WNT3: variants seen among roughly 807,000 people sequenced by gnomAD.
The protein encoded by WNT3 is proto-oncogene Wnt-3.
WNT3 carries 7 observed loss-of-function variants against 34.2 expected under a neutral mutation model. The observed-to-expected ratio is 0.20, with a 90% CI of 0.12 to 0.38. WNT3 has a LOEUF of 0.38. WNT3 is among the 10% of genes least tolerant of loss of function. The pLI is 1.00. For missense variants in WNT3, 267 were observed against 499.8 expected, an observed-to-expected ratio of 0.53 and a Z score of 4.44; for synonymous variants, 212 against 211.5, an observed-to-expected ratio of 1.00 and a Z score of -0.02.
chr17:46,804,921 C>T (rs1452673879), intron 1 of WNT3, among the ~76,000 whole-genome samples: 1 of 133,456 alleles, frequency 7.5e-6, no homozygotes, highest in Non-Finnish European at 1.6e-5. Flanking sequence ...CCCCGCCCAC[C>T]CCCCCCACCC....
chr17:46,777,883 T>C (rs749795135), intron 1 of WNT3, among the ~76,000 whole-genome samples: 11 of 152,192 alleles, frequency 7.2e-5, no homozygotes, highest in Non-Finnish European at 1.3e-4. Flanking sequence ...TTTCCCTCTT[T>C]CCACCAAACC....
intron 1 of WNT3, among the ~76,000 whole-genome samples, chr17:46,795,738 C>A (rs2084044693): frequency 6.6e-6 from 1 of 152,186 alleles, no homozygotes; most frequent in South Asian, 2.1e-4. Context: ...AGTCTCAAAG[C>A]CAGCCCCACC....
At chr17:46,779,103 A>ACACACACACACACACACACACACACCCCC (rs749719578) in intron 1 of WNT3, among the ~76,000 whole-genome samples, 1 of 133,590 alleles carries the variant, frequency 7.5e-6, no homozygotes, top group African/African-American at 2.8e-5. Context: ...ACACACACAC[A>ACACACACACACACACACACACACACCCCC]CCCCAGCCCA....
At chr17:46,788,296 T>C (rs1044893119) in intron 1 of WNT3, among the ~76,000 whole-genome samples, 9 of 152,174 alleles carry the variant, frequency 5.9e-5, no homozygotes, top group African/African-American at 2.2e-4. Flanking sequence ...TTTCTCCCCT[T>C]CCTGACCCCT....
chr17:46,773,924 A>T lies in WNT3; in HGVS notation c.81-15T>A. Reference sequence around the variant, plus strand: ...GGGCCAGGGACCTGCAGGCAGACAGAGGGTAGTAACACTGTGGGCACAAAG... The same window carrying T: ...GGGCCAGGGACCTGCAGGCAGACAGTGGGTAGTAACACTGTGGGCACAAAG... On this transcript the variant is annotated splice_polypyrimidine_tract_variant and intron_variant, in intron 1 of 4. Transcript: ENST00000225512. The T allele has an allele frequency of 3.7e-6, 6 of 1,609,848 alleles. No individual in the cohort carries two copies. Among genetic ancestry groups the T allele is most frequent in the Non-Finnish European group, 5.1e-6 (6 of 1,179,424 alleles).
intron 2 of WNT3, 30 bp downstream of exon 2, chr17:46,773,638 C>T: frequency 1.5e-6 from 1 of 679,582 alleles, no homozygotes; most frequent in South Asian, 1.8e-5. Context: ...CCACCCAGCC[C>T]CTCCCCCCCC....
chr17:46,785,419 T>C (rs1237524251), intron 1 of WNT3, among the ~76,000 whole-genome samples: 5 of 152,226 alleles, frequency 3.3e-5, no homozygotes, highest in Middle Eastern at 3.4e-3. Flanking sequence ...ATCCACGCCA[T>C]AGGAGAAAAA....
At chr17:46,817,278 G>C (rs1293379720) in intron 1 of WNT3, among the ~76,000 whole-genome samples, 2 of 152,186 alleles carry the variant, frequency 1.3e-5, no homozygotes, top group Admixed American at 1.3e-4. Context: ...ACCTGCAGGC[G>C]GTACCGCACC....
Position 46,816,135 on chromosome 17 carries a change from A to ACACACACT in WNT3, c.80+2382_80+2383insAGTGTGTG, listed in dbSNP as rs1568100332. Among the ~76,000 whole-genome samples the ACACACACT allele has an allele frequency of 7.8e-3, 417 of 53,798 alleles. 4 individuals carry two copies. The East Asian group carries it at 0.28, about 35-fold the overall frequency. 35.3% of individuals were successfully genotyped at this position (53,798 alleles called of 152,430 possible). A position where few individuals can be genotyped will look rare whatever the true frequency, so the allele number is the denominator to read the frequency against. On this transcript the variant is annotated intron_variant, in intron 1 of 4. Coordinates refer to ENST00000225512, the MANE Select transcript of WNT3 (RefSeq NM_030753.5). ...CGTACACACACACACACACACTCACACACACGCACGCACGCACACACACAC... is the reference window on the plus strand; with the variant it reads ...CGTACACACACACACACACACTCACACACACACTCACACGCACGCACGCACACACACAC...
intron 2 of WNT3, among the ~76,000 whole-genome samples, chr17:46,772,452 G>A (rs1279197987): frequency 6.6e-6 from 1 of 152,232 alleles, no homozygotes; most frequent in East Asian, 1.9e-4. Flanking sequence ...TAGACGCAGG[G>A]TTGTTTGATT....
At chr17:46,765,425 T>C (rs532300670) in intron 4 of WNT3, among the ~76,000 whole-genome samples, 2 of 152,314 alleles carry the variant, frequency 1.3e-5, no homozygotes, top group African/African-American at 4.8e-5. Context: ...AGACACTGGG[T>C]AAAAGCTACA....
intron 1 of WNT3, among the ~76,000 whole-genome samples, chr17:46,795,721 G>A (rs193207590): frequency 4.6e-5 from 7 of 152,296 alleles, no homozygotes; most frequent in East Asian, 3.9e-4. Flanking sequence ...CGATTCTGCC[G>A]CTGTGCAGTC....
At chr17:46,769,315 C>CAAAAAAAA (rs60504646) in intron 3 of WNT3, among the ~76,000 whole-genome samples, 1 of 102,860 alleles carries the variant, frequency 9.7e-6, no homozygotes, top group African/African-American at 3.6e-5. Flanking sequence ...GACTCCGTCT[C>CAAAAAAAA]AAAAAAAAAA....
chr17:46,774,035 A>C lies in WNT3; in HGVS notation c.81-126T>G. ...CAGAGGGCCTGTGCCCTGGCACCTG[A>C]ATGTGCTACCTTTGACCTCGGGAGC... On this transcript the variant is annotated intron_variant, in intron 1 of 4. Coordinates refer to ENST00000225512, the MANE Select transcript of WNT3 (RefSeq NM_030753.5). 14 of 1,377,898 alleles carry C rather than the reference A, an allele frequency of 1.0e-5. No homozygotes were observed. The South Asian group carries it at 1.8e-4, about 18-fold the overall frequency. 85.4% of individuals were successfully genotyped at this position (1,377,898 alleles called of 1,614,324 possible).
chr17:46,800,820 G>T (rs1372547950), intron 1 of WNT3, among the ~76,000 whole-genome samples: 1 of 152,206 alleles, frequency 6.6e-6, no homozygotes, highest in African/African-American at 2.4e-5. Flanking sequence ...AAATAGATGT[G>T]CTCAGAAGGG....
chr17:46,782,256 G>A (rs1472072228), intron 1 of WNT3, among the ~76,000 whole-genome samples: 2 of 152,246 alleles, frequency 1.3e-5, no homozygotes, highest in Non-Finnish European at 2.9e-5. Flanking sequence ...AAGATCTAGT[G>A]TCTCTTAAAA....
At chr17:46,817,381 C>CCCCCCG (rs1263819927) in intron 1 of WNT3, among the ~76,000 whole-genome samples, 1 of 152,092 alleles carries the variant, frequency 6.6e-6, no homozygotes, top group African/African-American at 2.4e-5. Context: ...TCCCCCCGCC[C>CCCCCCG]AGGCCAAGGC....
chr17:46,770,846 A>T (rs2059359630), intron 2 of WNT3, among the ~76,000 whole-genome samples: 2 of 152,182 alleles, frequency 1.3e-5, no homozygotes, highest in Admixed American at 6.5e-5. Context: ...TTCACATGGA[A>T]AGTTTTACTC....
intron 2 of WNT3, 100 bp from the exon 3 acceptor site, chr17:46,770,148 G>A (rs2059350842): frequency 2.1e-6 from 3 of 1,412,972 alleles, no homozygotes; most frequent in Non-Finnish European, 9.3e-7. Context: ...ACGAGGCCAG[G>A]AAGAGTTGAA....
Sources: allele counts gnomAD v4.1 joint callset (sites outside exome capture counted in the v4.1 genomes callset), GRCh38; gene constraint gnomAD v4.1.1; transcripts MANE v1.5; gene names NCBI Gene and HGNC (gene_info 2026-07-23, HGNC 2026-07-21).